Variants in EPHA10 observed in about 807,000 individuals in gnomAD.
The protein encoded by EPHA10 is ephrin type-A receptor 10.
Under a neutral mutation model 109.7 loss-of-function variants are expected in EPHA10, and 120 were observed. The ratio of observed to expected loss-of-function variants is 1.09; its 90% CI spans 0.94 to 1.27. The LOEUF (loss-of-function observed/expected upper bound fraction) is 1.27, where lower values mean the gene tolerates loss of function less well. Ranked by LOEUF, EPHA10 falls within the 50% of genes most tolerant of loss-of-function variation. The pLI, the probability that EPHA10 is intolerant of heterozygous loss-of-function variation, is 0.00. For synonymous variants in EPHA10, 640 were observed against 618.9 expected (o/e 1.03, Z -0.51); for missense variants, 1,396 against 1,411.1 (o/e 0.99, Z 0.17).
chr1:37,744,536 T>C lies in EPHA10; in HGVS notation c.1357+8340A>G, dbSNP rs190112645. On this transcript the variant is annotated intron_variant, in intron 5 of 16. Transcript: ENST00000373048. ...ATAGCTGGATGTGGTGGTGTGCACC[T>C]GTAGTCCCAGCTACTCTGGAGGCTG... Among the ~76,000 whole-genome samples, 23 of 151,508 alleles carry C rather than the reference T, an allele frequency of 1.5e-4. 1 individual carries two copies. Among genetic ancestry groups the C allele is most frequent in the Admixed American group, 3.9e-4 (6 of 15,196 alleles).
intron 8 of EPHA10, among the ~76,000 whole-genome samples, chr1:37,726,793 A>C (rs2148321961): frequency 6.6e-6 from 1 of 152,312 alleles, no homozygotes; most frequent in East Asian, 1.9e-4. Flanking sequence ...GCTCCTCCGG[A>C]GAATTCTAAT....
intron 5 of EPHA10, among the ~76,000 whole-genome samples, chr1:37,741,462 T>C (rs1646152554): frequency 6.6e-6 from 1 of 152,166 alleles, no homozygotes. Flanking sequence ...TTAAATGGTA[T>C]ATATATCTAG....
intron 5 of EPHA10, among the ~76,000 whole-genome samples, chr1:37,752,251 C>T (rs943776495): frequency 6.6e-6 from 1 of 152,108 alleles, no homozygotes; most frequent in African/African-American, 2.4e-5. Context: ...ACCTCATGTC[C>T]AGACTCAGAG....
Position 37,759,611 on chromosome 1 carries a change from A to G in EPHA10, c.850+1794T>C, listed in dbSNP as rs528083540. Among the ~76,000 whole-genome samples the G allele has an allele frequency of 2.0e-4, 30 of 152,238 alleles. 1 individual carries two copies. Among genetic ancestry groups the G allele is most frequent in the African/African-American group, 7.0e-4 (29 of 41,540 alleles). On this transcript the variant is annotated intron_variant, in intron 3 of 16. Transcript: ENST00000373048. ...AATGCTGGGGCTGCTGACACTAGTA[A>G]CACCCAGTGCCTGAGCTCAAGAAGT... is the stretch of plus-strand genomic sequence containing the variant.
Position 37,764,192 on chromosome 1 carries a change from C to T in EPHA10, c.106+769G>A, listed in dbSNP as rs1646456536. Among the ~76,000 whole-genome samples, 1 of 152,140 alleles carries T rather than the reference C, an allele frequency of 6.6e-6. No homozygotes were observed. Among genetic ancestry groups the T allele is most frequent in the African/African-American group, 2.4e-5 (1 of 41,412 alleles). On this transcript the variant is annotated intron_variant, in intron 1 of 16. Transcript: ENST00000373048. This position sits in a 1 kb window ranked among gnomAD's most constrained non-coding sequence, Gnocchi z 5.8. ...CGTCAGCGACTGTGGGCAGGACCGC[C>T]GACGGCTTTCCGAGATCCGCGCAAC...
chr1:37,763,771 G>A (rs1157203414), intron 1 of EPHA10, among the ~76,000 whole-genome samples: 1 of 152,052 alleles, frequency 6.6e-6, no homozygotes, highest in Non-Finnish European at 1.5e-5. Flanking sequence ...TGGTCCCCAG[G>A]CATGAAGACT....
intron 5 of EPHA10, among the ~76,000 whole-genome samples, chr1:37,748,361 A>C (rs536390514): frequency 2.0e-5 from 3 of 152,346 alleles, no homozygotes; most frequent in African/African-American, 7.2e-5. Context: ...TCTCAAATAA[A>C]TAAATAAACA....
At chr1:37,722,117 C>A (rs1569633112) in intron 10 of EPHA10, 2 of 347,474 alleles carry the variant, frequency 5.8e-6, no homozygotes, top group Non-Finnish European at 1.1e-5. Flanking sequence ...GGTGACAGAG[C>A]AAGACTCGGT....
chr1:37,761,527 T>G lies in EPHA10; in HGVS notation c.728A>C (p.His243Pro), dbSNP rs777161413. The change falls in exon 3 of 17, where the codon CAC (histidine) becomes CCC (proline). Residue 243 changes from histidine to proline, a missense_variant. Physicochemically the swap from His to Pro is moderately conservative, Grantham distance 77. Transcript: ENST00000373048. The part of the protein sequence containing the change: ...LVEVAGTCVA[H>P]SEGEPGSPPR... ...GGGGCTGCCAGGCTCCCCTTCCGAG[T>G]GCGCCACGCACGTTCCGGCCACTTC... is the stretch of plus-strand genomic sequence containing the variant. The G allele has an allele frequency of 6.3e-7, 1 of 1,599,422 alleles. No individual in the cohort carries two copies. The highest frequency in any genetic ancestry group is 1.1e-5 in the South Asian group (1 of 90,690).
At chr1:37,722,992 T>C in intron 10 of EPHA10, 49 bp downstream of exon 10, 1 of 1,612,526 alleles carries the variant, frequency 6.2e-7, no homozygotes, top group Non-Finnish European at 8.5e-7. Context: ...GCCTATAGAG[T>C]GGGTGAGGCT....
At position 37,717,555 on chromosome 1, in the gene EPHA10, G is replaced by A. The variant is rs1166976529; in HGVS notation, c.*817C>T. ...CCCATGGCTGGAGAGAAAAGCTCTTGGGTCCCTGGGGAGATAACATGGCCC... is the reference window on the plus strand; with the variant it reads ...CCCATGGCTGGAGAGAAAAGCTCTTAGGTCCCTGGGGAGATAACATGGCCC... On this transcript the variant is annotated 3_prime_UTR_variant, in exon 17 of 17. Coordinates refer to ENST00000373048, the MANE Select transcript of EPHA10 (RefSeq NM_001099439.2). 4.3e-6 allele frequency: 1 copy of A among 231,468 alleles called. No individual in the cohort carries two copies. Among genetic ancestry groups the A allele is most frequent in the East Asian group, 6.1e-5 (1 of 16,346 alleles). The allele number at this position is 231,468 out of a possible 1,614,324, so 14.3% of individuals were successfully genotyped here.
At chr1:37,736,504 T>C (rs1293930557) in intron 5 of EPHA10, among the ~76,000 whole-genome samples, 1 of 113,294 alleles carries the variant, frequency 8.8e-6, no homozygotes, top group African/African-American at 3.3e-5. Context: ...AAAAAAGAGA[T>C]TGAGACCATC....
chr1:37,727,745 T>C (rs1645918541), intron 7 of EPHA10, among the ~76,000 whole-genome samples: 1 of 152,206 alleles, frequency 6.6e-6, no homozygotes, highest in Non-Finnish European at 1.5e-5. Context: ...AATTACATAA[T>C]TTGCCCAAGA....
intron 10 of EPHA10, 136 bp downstream of exon 10, chr1:37,722,905 G>T: frequency 7.5e-7 from 1 of 1,340,732 alleles, no homozygotes; most frequent in Non-Finnish European, 1.1e-6. Context: ...TGGTGTGGAG[G>T]CAGGGCTTCC....
At chr1:37,758,299 C>A (rs930904013) in intron 3 of EPHA10, among the ~76,000 whole-genome samples, 1 of 152,178 alleles carries the variant, frequency 6.6e-6, no homozygotes, top group African/African-American at 2.4e-5. Context: ...TGTCCTTCCG[C>A]ATACAAACAA....
rs1235356867 is a variant in EPHA10, at chr1:37,735,244, GACAC to G, written c.1491+9_1491+12del. On this transcript the variant is annotated intron_variant, in intron 6 of 16. Transcript: ENST00000373048. ...CGGGGCAGGCTCCAGGTCCCTCCCA[GACAC>G]GCACTCACCTTCTCGTAGTATCGGA... The G allele has an allele frequency of 6.4e-7, 1 of 1,564,736 alleles. No individual in the cohort carries two copies.
intron 3 of EPHA10, among the ~76,000 whole-genome samples, chr1:37,755,419 G>C (rs1646386139): frequency 6.6e-6 from 1 of 152,200 alleles, no homozygotes; most frequent in Non-Finnish European, 1.5e-5. Flanking sequence ...CCAGGTGGAG[G>C]GGGGTGGGTG....
chr1:37,761,646 C>G lies in EPHA10; in HGVS notation c.609G>C (p.Ser203=), dbSNP rs767006722. The G allele has an allele frequency of 3.7e-6, 6 of 1,606,672 alleles. No individual in the cohort carries two copies. The highest frequency in any genetic ancestry group is 2.2e-5 in the East Asian group (1 of 44,868). The part of the protein sequence containing the change: ...QDVGACVALV[S]VRVYYKQCRA... ...GGCACTGCTTGTAGTAGACGCGCACCGAGACAAGCGCCACGCATGCGCCCA... is the reference window on the plus strand; with the variant it reads ...GGCACTGCTTGTAGTAGACGCGCACGGAGACAAGCGCCACGCATGCGCCCA... Residue 203 remains serine (S), a synonymous_variant, in exon 3 of 17, where the codon TCG becomes TCC. Coordinates refer to ENST00000373048, the MANE Select transcript of EPHA10 (RefSeq NM_001099439.2).
At position 37,727,163 on chromosome 1, in the gene EPHA10, C is replaced by A; in HGVS notation, c.1711G>T (p.Val571Leu). 1.2e-6 allele frequency: 2 copies of A among 1,612,862 alleles called. No individual in the cohort carries two copies. Among genetic ancestry groups the A allele is most frequent in the Admixed American group, 1.7e-5 (1 of 59,874 alleles). Residue 571 changes from valine (V) to leucine (L), a missense_variant, in exon 8 of 17, where the codon GTG becomes TTG. Coordinates refer to ENST00000373048, the MANE Select transcript of EPHA10 (RefSeq NM_001099439.2). ...DQSPAIVVTV[V>L]TISALLVLGS... ...AGGACGAGGAGGGCCGAGATGGTCA[C>A]TACGGTGACGACAATGGCGGGGCTC...
Sources: gnomAD v4.1 joint callset for allele counts (sites outside exome capture counted in the v4.1 genomes callset) on GRCh38, gnomAD v4.1.1 for gene constraint, Gnocchi (gnomAD v3.1) non-coding constraint, MANE v1.5 for transcripts, NCBI Gene and HGNC (gene_info 2026-07-23, HGNC 2026-07-21) for gene names.